Variants in IFT122 observed in about 807,000 individuals in gnomAD.
The protein encoded by IFT122 is intraflagellar transport 122.
In IFT122, 118 loss-of-function variants were observed where a neutral mutation model predicts 161.6. That is an observed-to-expected ratio of 0.73 (90% confidence interval 0.63 to 0.85). The LOEUF is 0.85. IFT122 is among the 40% of genes least tolerant of loss of function. The probability of loss-of-function intolerance (pLI) is 0.00; values close to 1 mark genes in which losing one functional copy is unlikely to be tolerated. For missense variants in IFT122, 1,381 were observed against 1,579.6 expected (o/e 0.87, Z 2.13); for synonymous variants, 550 against 602.4 (o/e 0.91, Z 1.27).
In IFT122 at chr3:129,475,048, G is replaced by T. The variant is rs764129132; in HGVS notation, c.817-1267G>T. Among the ~76,000 whole-genome samples the T allele has an allele frequency of 6.6e-5, 10 of 152,224 alleles. No individual in the cohort carries two copies. The East Asian group carries it at 9.7e-4, about 15-fold the overall frequency. On this transcript the variant is annotated intron_variant, in intron 9 of 29. Coordinates refer to ENST00000348417, the MANE Select transcript of IFT122 (RefSeq NM_052989.3). ...TATATGCCTCTAGTCCCAGCTACTGGGGGTGGTGAGGGGCTGAGGCAGAGG... is the reference window on the plus strand; with the variant it reads ...TATATGCCTCTAGTCCCAGCTACTGTGGGTGGTGAGGGGCTGAGGCAGAGG...
Position 129,463,553 on chromosome 3 carries a change from A to T in IFT122, c.350-7A>T. The T allele has an allele frequency of 5.0e-6, 8 of 1,612,658 alleles. No individual in the cohort carries two copies. Among genetic ancestry groups the T allele is most frequent in the Non-Finnish European group, 6.8e-6 (8 of 1,178,836 alleles). The stretch of plus-strand genomic sequence containing the variant: ...TCCATCTTCTTTTATATTATTGTGC[A>T]TTGAAGGGTTGTGGTCTCCTGAACA... On this transcript the variant is annotated splice_region_variant and splice_polypyrimidine_tract_variant and intron_variant, in intron 5 of 29. Transcript: ENST00000348417.
intron 2 of IFT122, among the ~76,000 whole-genome samples, chr3:129,450,403 AC>A (rs766752748): frequency 6.6e-6 from 1 of 152,164 alleles, no homozygotes; most frequent in Non-Finnish European, 1.5e-5. Context: ...TCCCTCTGGA[AC>A]CTATCCAGGT....
At chr3:129,469,203 A>T (rs879002210) in intron 8 of IFT122, 139 bp from the exon 9 acceptor site, 1 of 731,326 alleles carries the variant, frequency 1.4e-6, no homozygotes, top group South Asian at 1.5e-5. Flanking sequence ...CCAAATTATA[A>T]CTTTTGGCTT....
intron 1 of IFT122, among the ~76,000 whole-genome samples, chr3:129,441,743 G>A (rs1256506144): frequency 6.6e-6 from 1 of 152,032 alleles, no homozygotes; most frequent in Non-Finnish European, 1.5e-5. Flanking sequence ...CTTGTATTCT[G>A]TACCCCATTT....
rs115426559 is a variant in IFT122, at chr3:129,462,652, A to G, written c.350-908A>G. 8.8e-3 allele frequency among the ~76,000 whole-genome samples: 1,346 copies of G among 152,364 alleles called. 15 individuals carry two copies. Among genetic ancestry groups the G allele is most frequent in the African/African-American group, 0.031 (1,281 of 41,572 alleles). On this transcript the variant is annotated intron_variant, in intron 5 of 29. Coordinates refer to ENST00000348417, the MANE Select transcript of IFT122 (RefSeq NM_052989.3). Reference sequence around the variant, plus strand: ...AAAATGTTTGGAGGAAGCGTTCTGGACCAGGGGAAAGGCAAAAAATAACTT... The same window carrying G: ...AAAATGTTTGGAGGAAGCGTTCTGGGCCAGGGGAAAGGCAAAAAATAACTT...
chr3:129,456,939 C>T (rs887942622), intron 3 of IFT122, among the ~76,000 whole-genome samples: 1 of 152,124 alleles, frequency 6.6e-6, no homozygotes, highest in South Asian at 2.1e-4. Context: ...TTTACAGATA[C>T]TATCTTAGTT....
At chr3:129,481,462 C>G (rs189623670) in intron 13 of IFT122, 68 bp from the exon 14 acceptor site, 131 of 1,344,856 alleles carry the variant, frequency 9.7e-5, no homozygotes, top group Non-Finnish European at 1.4e-4. Flanking sequence ...GGGATTCCAA[C>G]GGCCTGGCAG....
chr3:129,514,410 C>G lies in IFT122; in HGVS notation c.3009C>G (p.Ala1003=), dbSNP rs781451037. 6.2e-7 allele frequency: 1 copy of G among 1,614,146 alleles called. No homozygotes were observed. The highest frequency in any genetic ancestry group is 8.5e-7 in the Non-Finnish European group (1 of 1,180,014). ...GCAGGAAAATACTCTTCACCTTGGC[C>G]AAGCAGAGCAAGGCCCTCGGTGCCT... ...ISKVKILFTL[A]KQSKALGAYR... Residue 1003 remains alanine (A), a synonymous_variant, in exon 25 of 30, where the codon GCC becomes GCG. Transcript: ENST00000348417.
In IFT122 at chr3:129,467,012, A is replaced by G. The variant is rs1433055646; in HGVS notation, c.686A>G (p.Glu229Gly). Reference sequence around the variant, plus strand: ...GCAGTGTACAGTAGTCAGGGTAGTGAGGCAGAGGAGGAAGAACCAGAGGAA... The same window carrying G: ...GCAGTGTACAGTAGTCAGGGTAGTGGGGCAGAGGAGGAAGAACCAGAGGAA... Reference protein sequence around the residue: ...KSAVYSSQGSEAEEEEPEEED... With the variant: ...KSAVYSSQGSGAEEEEPEEED... Residue 229 changes from glutamate (E) to glycine (G), a missense_variant, in exon 8 of 30, where the codon GAG becomes GGG. Physicochemically the swap from Glu to Gly is moderately conservative, Grantham distance 98. Around this residue, in one of 7 missense-constraint regions of IFT122, gnomAD observed 544 missense variants for 648.0 expected, o/e 0.84. Transcript: ENST00000348417. 3.7e-6 allele frequency: 6 copies of G among 1,614,104 alleles called. No homozygotes were observed. The highest frequency in any genetic ancestry group is 5.1e-6 in the Non-Finnish European group (6 of 1,180,046).
At chr3:129,493,531 G>C (rs1432095520) in intron 17 of IFT122, among the ~76,000 whole-genome samples, 1 of 152,196 alleles carries the variant, frequency 6.6e-6, no homozygotes, top group African/African-American at 2.4e-5. Flanking sequence ...TCAGCAAGAC[G>C]ATGCCACATC....
At chr3:129,514,153 G>C (rs867990718) in intron 24 of IFT122, 28 of 643,800 alleles carry the variant, frequency 4.3e-5, no homozygotes, top group South Asian at 6.5e-5. Flanking sequence ...TGCTAAGCAA[G>C]GTTAAAGTAT....
At chr3:129,451,842 G>A (rs900956617) in intron 2 of IFT122, 72 bp from the exon 3 acceptor site, 12 of 1,261,014 alleles carry the variant, frequency 9.5e-6, no homozygotes, top group South Asian at 6.0e-5. Flanking sequence ...AACAAAAATA[G>A]CAGTAGCAAC....
chr3:129,502,013 C>T lies in IFT122; in HGVS notation c.2376-698C>T, dbSNP rs1403941693. ...CCAGCCTGACCAGAGAGAACAAGCG[C>T]ATTCTATCCAGGCCTCATGTCCCCA... On this transcript the variant is annotated intron_variant, in intron 19 of 29. Transcript: ENST00000348417. Among the ~76,000 whole-genome samples, 5 of 152,268 alleles carry T rather than the reference C, an allele frequency of 3.3e-5. No individual in the cohort carries two copies. The East Asian group carries it at 9.7e-4, about 30-fold the overall frequency.
intron 8 of IFT122, among the ~76,000 whole-genome samples, chr3:129,468,162 G>A (rs2108177770): frequency 6.6e-6 from 1 of 152,266 alleles, no homozygotes; most frequent in East Asian, 1.9e-4. Flanking sequence ...TTAGTTTTGG[G>A]TTAGTGCCTA....
At chr3:129,445,412 G>T (rs1385220699) in intron 1 of IFT122, among the ~76,000 whole-genome samples, 1 of 152,134 alleles carries the variant, frequency 6.6e-6, no homozygotes, top group African/African-American at 2.4e-5. Context: ...TTATTTTCAG[G>T]CAAGTTATTT....
At chr3:129,480,110 C>T (rs1240639156) in intron 13 of IFT122, among the ~76,000 whole-genome samples, 188 bp downstream of exon 13, 1 of 152,190 alleles carries the variant, frequency 6.6e-6, no homozygotes, top group Non-Finnish European at 1.5e-5. Context: ...CTGTGGCCCT[C>T]ACACTCCTAG....
chr3:129,470,758 C>T lies in IFT122; in HGVS notation c.816+1341C>T, dbSNP rs150497198. On this transcript the variant is annotated intron_variant, in intron 9 of 29. Transcript: ENST00000348417. The stretch of plus-strand genomic sequence containing the variant: ...GCTAATTTTGTATTTTTAGTAGAGA[C>T]GGGGTTTCTCCATGTTGGTCAGGCT... 4.9e-3 allele frequency among the ~76,000 whole-genome samples: 740 copies of T among 151,830 alleles called. 3 individuals are homozygous for T. Among genetic ancestry groups the T allele is most frequent in the Middle Eastern group, 0.034 (10 of 294 alleles).
intron 23 of IFT122, among the ~76,000 whole-genome samples, chr3:129,509,701 C>T (rs768511401): frequency 1.3e-5 from 2 of 152,196 alleles, no homozygotes; most frequent in African/African-American, 2.4e-5. Context: ...TACTATCAAA[C>T]AGCAAATTCC....
rs1463249505 is a variant in IFT122, at chr3:129,490,085, ACTC to A, written c.1992+1691_1992+1693del. ...ACTGTGTTGCCCAGGCAGGTCTTGA[ACTC>A]CTGGGCTCAAGCAGTCTTCTTGCCT... On this transcript the variant is annotated intron_variant, in intron 16 of 29. Coordinates refer to ENST00000348417, the MANE Select transcript of IFT122 (RefSeq NM_052989.3). Among the ~76,000 whole-genome samples the A allele has an allele frequency of 8.6e-5, 13 of 151,968 alleles. No homozygotes were observed. The East Asian group carries it at 2.5e-3, about 29-fold the overall frequency.
Sources: allele counts gnomAD v4.1 joint callset (sites outside exome capture counted in the v4.1 genomes callset), GRCh38; gene constraint gnomAD v4.1.1; regional missense constraint gnomAD v4.1.1; transcripts MANE v1.5; gene names NCBI Gene and HGNC (gene_info 2026-07-23, HGNC 2026-07-21).